The following URB1 variants were observed in gnomAD, a reference collection of about 807,000 sequenced individuals.
URB1 encodes URB1 ribosome biogenesis factor.
URB1 carries 197 observed loss-of-function variants against 242.3 expected under a neutral mutation model. That is an observed-to-expected ratio of 0.81 (90% CI 0.72 to 0.91). URB1 has a LOEUF of 0.91. URB1 is among the 40% of genes least tolerant of loss of function. The pLI is 0.00. For missense variants in URB1, 2,721 were observed against 2,860.5 expected, an observed-to-expected ratio of 0.95 and a Z score of 1.11; for synonymous variants, 1,153 against 1,201.8, an observed-to-expected ratio of 0.96 and a Z score of 0.84.
chr21:32,349,254 C>A, intron 21 of URB1, 50 bp downstream of exon 21: 1 of 1,453,112 alleles, frequency 6.9e-7, no homozygotes, highest in African/African-American at 1.4e-5. Flanking sequence ...GAAGAGAAAG[C>A]CACTGCCCAT....
intron 21 of URB1, among the ~76,000 whole-genome samples, chr21:32,349,001 G>T (rs532310371): frequency 6.6e-6 from 1 of 152,224 alleles, no homozygotes; most frequent in Non-Finnish European, 1.5e-5. Flanking sequence ...AGCACCTGCT[G>T]CCCACCTTTC....
intron 30 of URB1, among the ~76,000 whole-genome samples, chr21:32,328,090 T>A (rs2032850786): frequency 6.6e-6 from 1 of 152,232 alleles, no homozygotes; most frequent in African/African-American, 2.4e-5. Flanking sequence ...AAGAGCATAG[T>A]CAGATGACTC....
At chr21:32,333,542 A>T (rs984724399) in intron 29 of URB1, 123 bp from the exon 30 acceptor site, 1 of 744,900 alleles carries the variant, frequency 1.3e-6, no homozygotes, top group Non-Finnish European at 2.2e-6. Context: ...ATTTGCATAC[A>T]TAATGAGATA....
chr21:32,344,686 T>C lies in URB1; in HGVS notation c.4141A>G (p.Thr1381Ala). 6.4e-7 allele frequency: 1 copy of C among 1,552,256 alleles called. No homozygotes were observed. The change falls in exon 24 of 39, where the codon ACC becomes GCC. Residue 1381 changes from threonine to alanine, a missense_variant. Coordinates refer to ENST00000382751, the MANE Select transcript of URB1 (RefSeq NM_014825.3). ...CACTTCACACAGGACTCCAAAAGGG[T>C]CCTTCTCCAGGCACACAGCTCTTCT... ...SAEELCAWRR[T>A]LLESCVKWLI... is the part of the protein sequence containing the mutation.
chr21:32,322,877 C>A (rs1372053095), intron 32 of URB1, among the ~76,000 whole-genome samples: 3 of 152,196 alleles, frequency 2.0e-5, no homozygotes, highest in Non-Finnish European at 4.4e-5. Flanking sequence ...AGGCTTCAAA[C>A]CAGCCGGTGG....
intron 8 of URB1, among the ~76,000 whole-genome samples, chr21:32,369,975 C>CAA (rs34377037): frequency 2.3e-5 from 2 of 88,528 alleles, no homozygotes; most frequent in African/African-American, 7.9e-5. Context: ...GTCTCCATCT[C>CAA]AAAAAAAAAA....
chr21:32,338,686 A>G, intron 26 of URB1, 21 bp downstream of exon 26: 6 of 1,550,328 alleles, frequency 3.9e-6, no homozygotes, highest in Non-Finnish European at 5.2e-6. Flanking sequence ...ACGGAATGGA[A>G]GGGCTGGGGT....
intron 25 of URB1, among the ~76,000 whole-genome samples, chr21:32,340,137 C>T (rs2033012104): frequency 6.6e-6 from 1 of 152,244 alleles, no homozygotes; most frequent in Non-Finnish European, 1.5e-5. Flanking sequence ...CTGGCACCCA[C>T]TCTCACTTCT....
At chr21:32,352,279 C>T (rs1158242707) in intron 19 of URB1, among the ~76,000 whole-genome samples, 4 of 152,166 alleles carry the variant, frequency 2.6e-5, no homozygotes, top group African/African-American at 9.7e-5. Context: ...CCTTCCCCAA[C>T]TTTAACAGAA....
intron 30 of URB1, 176 bp downstream of exon 30, chr21:32,333,141 T>G: frequency 1.6e-6 from 1 of 624,908 alleles, no homozygotes; most frequent in South Asian, 1.9e-5. Flanking sequence ...AAATACTAAC[T>G]GTGACTTTGC....
At chr21:32,337,041 T>G (rs1339899291) in intron 28 of URB1, 53 bp downstream of exon 28, 1 of 1,496,076 alleles carries the variant, frequency 6.7e-7, no homozygotes, top group Non-Finnish European at 9.1e-7. Flanking sequence ...GCTCACTGTG[T>G]GGAGAGCAGG....
At chr21:32,343,212 T>C (rs1364792016) in intron 24 of URB1, among the ~76,000 whole-genome samples, 1 of 152,192 alleles carries the variant, frequency 6.6e-6, no homozygotes, top group African/African-American at 2.4e-5. Context: ...TCTCTATTTT[T>C]TGCAGTGTGA....
intron 10 of URB1, 117 bp downstream of exon 10, chr21:32,366,501 G>T: frequency 7.1e-7 from 1 of 1,409,542 alleles, no homozygotes; most frequent in Non-Finnish European, 9.5e-7. Flanking sequence ...AGCCTCCGAG[G>T]CCCCCTGACA....
chr21:32,380,262 C>A (rs1297730882), intron 4 of URB1, among the ~76,000 whole-genome samples: 2 of 152,110 alleles, frequency 1.3e-5, no homozygotes, highest in African/African-American at 4.8e-5. Context: ...ACCCATGCTC[C>A]CTAATATGTG....
At chr21:32,341,855 A>G (rs2033034215) in intron 24 of URB1, among the ~76,000 whole-genome samples, 2 of 152,270 alleles carry the variant, frequency 1.3e-5, no homozygotes, top group African/African-American at 4.8e-5. Context: ...AGCATGTGAT[A>G]GCTCAAACTT....
chr21:32,344,331 T>C (rs979943348), intron 24 of URB1, among the ~76,000 whole-genome samples: 1 of 152,184 alleles, frequency 6.6e-6, no homozygotes, highest in Non-Finnish European at 1.5e-5. Flanking sequence ...CATCTTGAAA[T>C]GGAAAAAAGC....
chr21:32,341,794 T>TGCGTG (rs1429784910), intron 24 of URB1, among the ~76,000 whole-genome samples: 7 of 152,302 alleles, frequency 4.6e-5, no homozygotes, highest in Non-Finnish European at 1.0e-4. Flanking sequence ...TTTATTAATG[T>TGCGTG]GCGTGGGAAA....
intron 36 of URB1, 28 bp downstream of exon 36, chr21:32,319,189 G>C: frequency 2.0e-6 from 3 of 1,531,542 alleles, no homozygotes; most frequent in Non-Finnish European, 1.8e-6. Context: ...GAGGCCAGAA[G>C]GGCCCCCCTG....
At position 32,350,735 on chromosome 21, in the gene URB1, T is replaced by C. The variant is rs1003935682; in HGVS notation, c.2801A>G (p.Tyr934Cys). Reference sequence around the variant, plus strand: ...GAAGTTCTCCACAGTGCTCCGCAGGTAGAGCAACACCTGCTTGGCCGCGAG... The same window carrying C: ...GAAGTTCTCCACAGTGCTCCGCAGGCAGAGCAACACCTGCTTGGCCGCGAG... ...VLLAAKQVLL[Y>C]LRSTVENFGQ... Residue 934 changes from tyrosine to cysteine, a missense_variant, in exon 20 of 39, where the codon TAC (tyrosine) becomes TGC (cysteine). Physicochemically the swap from Tyr to Cys is radical, Grantham distance 194. Transcript: ENST00000382751. The C allele has an allele frequency of 1.3e-6, 2 of 1,551,462 alleles. No individual in the cohort carries two copies. The highest frequency in any genetic ancestry group is 1.7e-6 in the Non-Finnish European group (2 of 1,146,994).
Sources: allele counts gnomAD v4.1 joint callset (sites outside exome capture counted in the v4.1 genomes callset), GRCh38; gene constraint gnomAD v4.1.1; transcripts MANE v1.5; gene names NCBI Gene and HGNC (gene_info 2026-07-23, HGNC 2026-07-21).